DOCK1: variants seen among roughly 807,000 people sequenced by gnomAD.
The protein encoded by DOCK1 is dedicator of cytokinesis 1.
Under a neutral mutation model 262.7 loss-of-function variants are expected in DOCK1, and 138 were observed. The ratio of observed to expected loss-of-function variants is 0.53; its 90% CI spans 0.46 to 0.61. The LOEUF is 0.61. Among genes scored for constraint, DOCK1 ranks in the 20% least tolerant of loss-of-function variants. DOCK1 has a pLI of 0.00. For missense variants in DOCK1, 1,908 were observed against 2,370.7 expected (o/e 0.80, Z 4.05); for synonymous variants, 866 against 867.4 (o/e 1.00, Z 0.03).
intron 38 of DOCK1, among the ~76,000 whole-genome samples, chr10:127,397,385 C>T (rs2066947276): frequency 6.6e-6 from 1 of 151,014 alleles, no homozygotes; most frequent in Middle Eastern, 3.2e-3. Context: ...GGCAGTGTCT[C>T]CTATGTGATC....
chr10:127,117,449 C>G (rs1390764097), intron 25 of DOCK1, among the ~76,000 whole-genome samples: 1 of 152,270 alleles, frequency 6.6e-6, no homozygotes, highest in East Asian at 1.9e-4. Context: ...ACTTCAAATG[C>G]CATATGGAGC....
Position 127,426,017 on chromosome 10 carries a change from A to T in DOCK1, c.4914+6A>T, listed in dbSNP as rs1232076385. Reference sequence around the variant, plus strand: ...AGTACGGCGTCCGAATCATGGTAAGAGGGTAGTATGCGTAGTGTTGCAGAA... The same window carrying T: ...AGTACGGCGTCCGAATCATGGTAAGTGGGTAGTATGCGTAGTGTTGCAGAA... On this transcript the variant is annotated splice_donor_region_variant and intron_variant, in intron 47 of 51. Transcript: ENST00000623213. 6.2e-7 allele frequency: 1 copy of T among 1,613,828 alleles called. No individual in the cohort carries two copies. The highest frequency in any genetic ancestry group is 8.5e-7 in the Non-Finnish European group (1 of 1,179,848).
At chr10:127,373,748 CT>C (rs1490927283) in intron 33 of DOCK1, 32 bp from the exon 34 acceptor site, 1 of 1,550,340 alleles carries the variant, frequency 6.5e-7, no homozygotes, top group Admixed American at 1.8e-5. Flanking sequence ...ACTCGCCATG[CT>C]GATTATTTAC....
At chr10:127,249,423 A>G (rs1245327226) in intron 28 of DOCK1, among the ~76,000 whole-genome samples, 1 of 66,610 alleles carries the variant, frequency 1.5e-5, no homozygotes, top group Non-Finnish European at 2.9e-5. Context: ...ATACATGTAC[A>G]TATATATATA....
At chr10:127,423,720 AG>A (rs1176816050) in intron 46 of DOCK1, among the ~76,000 whole-genome samples, 1 of 152,146 alleles carries the variant, frequency 6.6e-6, no homozygotes, top group Non-Finnish European at 1.5e-5. Context: ...TGTTGTGTCC[AG>A]GGGTGGTGCT....
intron 29 of DOCK1, among the ~76,000 whole-genome samples, chr10:127,335,260 G>A: frequency 6.6e-6 from 1 of 152,134 alleles, no homozygotes; most frequent in Middle Eastern, 3.2e-3. Context: ...CCCAACTCCA[G>A]CAGTGTCCAG....
intron 24 of DOCK1, among the ~76,000 whole-genome samples, chr10:127,109,566 G>A (rs376880957): frequency 7.9e-5 from 12 of 152,150 alleles, no homozygotes; most frequent in Non-Finnish European, 1.6e-4. Context: ...AGGTAACCCC[G>A]AATCTCTTTT....
At chr10:127,376,851 G>A (rs1407017861) in intron 35 of DOCK1, among the ~76,000 whole-genome samples, 2 of 152,166 alleles carry the variant, frequency 1.3e-5, no homozygotes, top group African/African-American at 4.8e-5. Context: ...AGAAATGGTG[G>A]TGTGCTCTGA....
intron 1 of DOCK1, among the ~76,000 whole-genome samples, chr10:126,916,516 G>C (rs1355524224): frequency 6.6e-6 from 1 of 152,188 alleles, no homozygotes; most frequent in Non-Finnish European, 1.5e-5. Context: ...CCTATGTATA[G>C]AGACGAATGG....
chr10:127,430,267 G>A (rs1369529054), intron 47 of DOCK1, among the ~76,000 whole-genome samples: 3 of 152,206 alleles, frequency 2.0e-5, no homozygotes, highest in Non-Finnish European at 4.4e-5. Context: ...CTCCACAGCT[G>A]CCGGGGGGAC....
chr10:127,132,730 C>T (rs1387944743), intron 27 of DOCK1, among the ~76,000 whole-genome samples: 1 of 152,122 alleles, frequency 6.6e-6, no homozygotes, highest in Non-Finnish European at 1.5e-5. Context: ...ACATTTCCGT[C>T]TCCTGTGATA....
intron 46 of DOCK1, 122 bp downstream of exon 46, chr10:127,419,871 T>A (rs970287867): frequency 9.4e-7 from 1 of 1,062,410 alleles, no homozygotes; most frequent in East Asian, 2.6e-5. Context: ...CACGTGGCTG[T>A]GATTGTCCCT....
intron 32 of DOCK1, among the ~76,000 whole-genome samples, chr10:127,358,063 G>T (rs183505317): frequency 5.9e-5 from 9 of 152,074 alleles, no homozygotes; most frequent in Non-Finnish European, 1.0e-4. Context: ...TTGGCAGGAT[G>T]ATAGCACCGA....
chr10:127,389,201 G>A (rs1481406144), intron 38 of DOCK1, among the ~76,000 whole-genome samples: 1 of 152,192 alleles, frequency 6.6e-6, no homozygotes, highest in Non-Finnish European at 1.5e-5. Context: ...GGAGGAAGGG[G>A]GCACACAGTA....
At chr10:127,026,271 C>G in intron 15 of DOCK1, 81 bp from the exon 16 acceptor site, 1 of 1,274,634 alleles carries the variant, frequency 7.8e-7, no homozygotes, top group South Asian at 1.3e-5. Context: ...TACAGTTGTA[C>G]CTGATAGCTC....
chr10:127,403,988 T>C lies in DOCK1; in HGVS notation c.4018-337T>C, dbSNP rs371225640. On this transcript the variant is annotated intron_variant, in intron 39 of 51. Coordinates refer to ENST00000623213, the MANE Select transcript of DOCK1 (RefSeq NM_001290223.2). ...TGAACGTATCCCACTATCTGACCTA[T>C]ACCTTTTAAAAAATACTAAGGGCCA... 7.2e-5 allele frequency among the ~76,000 whole-genome samples: 11 copies of C among 152,326 alleles called. No homozygotes were observed. The South Asian group carries it at 2.3e-3, about 32-fold the overall frequency.
chr10:127,368,470 G>A (rs1485425745), intron 33 of DOCK1, among the ~76,000 whole-genome samples: 8 of 151,864 alleles, frequency 5.3e-5, no homozygotes, highest in Non-Finnish European at 5.9e-5. Context: ...CCACAGCTGC[G>A]TTCATCCCAC....
rs867373167 is a variant in DOCK1, at chr10:127,235,892, T to A, written c.2848-12116T>A. Among the ~76,000 whole-genome samples, 83 of 152,238 alleles carry A rather than the reference T, an allele frequency of 5.5e-4. 1 individual carries two copies. Among genetic ancestry groups the A allele is most frequent in the African/African-American group, 1.9e-3 (81 of 41,552 alleles). On this transcript the variant is annotated intron_variant, in intron 27 of 51. Coordinates refer to ENST00000623213, the MANE Select transcript of DOCK1 (RefSeq NM_001290223.2). ...ACTAGTAAGATAGACCATGCTTTCA[T>A]GTGCATCTTGGCCATTTGTGTTCCT...
intron 36 of DOCK1, 88 bp downstream of exon 36, chr10:127,380,210 C>A (rs1057304092): frequency 9.4e-7 from 1 of 1,064,700 alleles, no homozygotes; most frequent in Non-Finnish European, 1.3e-6. Context: ...GTGTTATAGC[C>A]GCAAAGGTTT....
Sources: gnomAD v4.1 joint callset for allele counts (sites outside exome capture counted in the v4.1 genomes callset) on GRCh38, gnomAD v4.1.1 for gene constraint, MANE v1.5 for transcripts, NCBI Gene and HGNC (gene_info 2026-07-23, HGNC 2026-07-21) for gene names.